Variants in TMEM217 observed in about 807,000 individuals in gnomAD.
The protein encoded by TMEM217 is chromosome 6 open reading frame 128.
For missense variants in TMEM217, 204 were observed against 248.8 expected, an observed-to-expected ratio of 0.82 and a Z score of 1.21; for synonymous variants, 76 against 88.3, an observed-to-expected ratio of 0.86 and a Z score of 0.78.
chr6:37,247,093 G>C (rs1320788994), intron 1 of TMEM217, among the ~76,000 whole-genome samples: 1 of 152,156 alleles, frequency 6.6e-6, no homozygotes, highest in Non-Finnish European at 1.5e-5. Flanking sequence ...AACTGGCAAT[G>C]AATGTCCCAT....
At chr6:37,226,533 G>A (rs1425441133) in intron 1 of TMEM217, among the ~76,000 whole-genome samples, 10 of 150,598 alleles carry the variant, frequency 6.6e-5, no homozygotes, top group African/African-American at 1.2e-4. Flanking sequence ...TCCTGACCTC[G>A]TGATCCGCCC....
chr6:37,226,638 G>A (rs1763861588), intron 1 of TMEM217, among the ~76,000 whole-genome samples: 1 of 151,478 alleles, frequency 6.6e-6, no homozygotes, highest in South Asian at 2.1e-4. Flanking sequence ...GAGTGCAGTG[G>A]CACGATCTCG....
At position 37,228,085 on chromosome 6, in the gene TMEM217, G is replaced by T. The variant is rs139158638; in HGVS notation, c.-11-9044C>A. On this transcript the variant is annotated intron_variant, in intron 1 of 1. Coordinates refer to ENST00000357219, the Ensembl canonical transcript of TMEM217. ...CAGAGCTAGGCAAGTCAAATAAATG[G>T]GTGAGGTTGAGGGGTATGAAGATAC... Among the ~76,000 whole-genome samples the T allele has an allele frequency of 7.9e-5, 12 of 152,176 alleles. No homozygotes were observed. The East Asian group carries it at 2.3e-3, about 29-fold the overall frequency.
At chr6:37,250,604 C>G (rs902858347) in intron 1 of TMEM217, among the ~76,000 whole-genome samples, 1 of 152,218 alleles carries the variant, frequency 6.6e-6, no homozygotes, top group African/African-American at 2.4e-5. Context: ...AGGTACTGTA[C>G]CTTAAAGCAG....
downstream of TMEM217, chr6:37,212,789 T>C (rs539598770): frequency 9.4e-5 from 68 of 726,724 alleles, no homozygotes; most frequent in East Asian, 1.8e-3. Context: ...GAGAGGCCAG[T>C]GCTGATATTA....
chr6:37,212,538 T>C (rs894209309), exon 4 of TMEM217: 1 of 458,684 alleles, frequency 2.2e-6, no homozygotes, highest in Non-Finnish European at 4.4e-6. Context: ...AAAGGTTGTA[T>C]GCATGCTTGA....
chr6:37,227,807 T>A (rs1008985709), intron 1 of TMEM217, among the ~76,000 whole-genome samples: 2 of 151,864 alleles, frequency 1.3e-5, no homozygotes, highest in Non-Finnish European at 2.9e-5. Context: ...CTGACTTACA[T>A]GCTTACGTGA....
intron 1 of TMEM217, among the ~76,000 whole-genome samples, chr6:37,246,184 C>T (rs757012347): frequency 1.7e-4 from 26 of 152,178 alleles, no homozygotes; most frequent in Non-Finnish European, 3.5e-4. Context: ...TCCTCTAATT[C>T]TCTCCTGCAG....
At chr6:37,233,320 C>T (rs1764311564) in intron 1 of TMEM217, among the ~76,000 whole-genome samples, 1 of 152,226 alleles carries the variant, frequency 6.6e-6, no homozygotes, top group South Asian at 2.1e-4. Flanking sequence ...TTTTTCTGAT[C>T]CATCTTAGTC....
rs1052634769 is a variant in TMEM217, at chr6:37,212,245, TA to T, written c.*751del. On this transcript the variant is annotated 3_prime_UTR_variant, in exon 4 of 4. Coordinates refer to the TMEM217 transcript ENST00000336655. ...TAAAACAAGTCACACAACACATCTGTAAAATAATTGATCCGCACAACCTGCC... is the reference window on the plus strand; with the variant it reads ...TAAAACAAGTCACACAACACATCTGTAAATAATTGATCCGCACAACCTGCC... 139 of 341,984 alleles carry T rather than the reference TA, an allele frequency of 4.1e-4. 1 individual carries two copies. The highest frequency in any genetic ancestry group is 2.7e-3 in the African/African-American group (128 of 46,674). The allele number at this position is 341,984 out of a possible 1,614,324, so 21.2% of individuals were successfully genotyped here. A position where few individuals can be genotyped will look rare whatever the true frequency, so the allele number is the denominator to read the frequency against.
In TMEM217 at chr6:37,223,788, G is replaced by A. The variant is rs181242709; in HGVS notation, c.-11-4747C>T. Among the ~76,000 whole-genome samples, 45 of 152,148 alleles carry A rather than the reference G, an allele frequency of 3.0e-4. No homozygotes were observed. In the East Asian group the frequency reaches 4.8e-3, roughly 16 times the overall value. ...CTCCCAAAGTGCTGGGATTACAGGCGTGAGCCACTGCACCTAGCCCATTTT... is the reference window on the plus strand; with the variant it reads ...CTCCCAAAGTGCTGGGATTACAGGCATGAGCCACTGCACCTAGCCCATTTT... On this transcript the variant is annotated intron_variant, in intron 1 of 1. Coordinates refer to ENST00000357219, the Ensembl canonical transcript of TMEM217.
At chr6:37,233,135 C>T (rs952100417) in intron 1 of TMEM217, among the ~76,000 whole-genome samples, 3 of 152,176 alleles carry the variant, frequency 2.0e-5, no homozygotes, top group East Asian at 3.8e-4. Context: ...TCAAACTTAG[C>T]TTGTGCCAAA....
intron 1 of TMEM217, among the ~76,000 whole-genome samples, chr6:37,240,530 A>C (rs1764715763): frequency 6.6e-6 from 1 of 152,190 alleles, no homozygotes; most frequent in African/African-American, 2.4e-5. Context: ...TGGAAGCTGC[A>C]CTGTCTTAGT....
rs544527897 is a variant in TMEM217 at position 37,251,261 on chromosome 6, A to G, written c.-12+6307T>C. Among the ~76,000 whole-genome samples the G allele has an allele frequency of 5.9e-5, 9 of 152,364 alleles. No individual in the cohort carries two copies. In the East Asian group the frequency reaches 1.2e-3, roughly 20 times the overall value. On this transcript the variant is annotated intron_variant, in intron 1 of 1. Coordinates refer to ENST00000357219, the Ensembl canonical transcript of TMEM217. ...GGTTTGAGGGAGGCACATCTCACAT[A>G]TGGGAATGAACACCCACTCATCTTG...
intron 1 of TMEM217, among the ~76,000 whole-genome samples, chr6:37,234,456 A>G (rs73417853): frequency 0.067 from 10,184 of 152,246 alleles, 1,096 homozygotes; most frequent in African/African-American, 0.23. Flanking sequence ...ATTGGGACAT[A>G]ACCTCATCGT....
intron 1 of TMEM217, among the ~76,000 whole-genome samples, chr6:37,231,226 A>ATTT (rs35394043): frequency 2.0e-3 from 178 of 87,332 alleles, no homozygotes; most frequent in Non-Finnish European, 3.0e-3. Flanking sequence ...TGCCTGGCTA[A>ATTT]TTTTTTTTTT....
At chr6:37,239,863 T>G (rs936755763) in intron 1 of TMEM217, among the ~76,000 whole-genome samples, 2 of 150,052 alleles carry the variant, frequency 1.3e-5, no homozygotes, top group African/African-American at 5.0e-5. Flanking sequence ...CAGACCAGCC[T>G]GGGCAACATG....
At chr6:37,237,698 A>G (rs1454313982) in intron 1 of TMEM217, among the ~76,000 whole-genome samples, 1 of 152,208 alleles carries the variant, frequency 6.6e-6, no homozygotes, top group Admixed American at 6.5e-5. Context: ...AACAGGAGTC[A>G]AAAGGAACAA....
chr6:37,249,792 A>T (rs758736288), intron 1 of TMEM217, among the ~76,000 whole-genome samples: 1 of 152,200 alleles, frequency 6.6e-6, no homozygotes, highest in African/African-American at 2.4e-5. Context: ...CTCTCATCCC[A>T]TGTGGTTGGA....
Sources: gnomAD v4.1 joint callset for allele counts (sites outside exome capture counted in the v4.1 genomes callset) on GRCh38, gnomAD v4.1.1 for gene constraint, MANE v1.5 for transcripts, NCBI Gene and HGNC (gene_info 2026-07-23, HGNC 2026-07-21) for gene names.